The following PPP2R2C variants were observed in gnomAD, a reference collection of about 807,000 sequenced individuals.
PPP2R2C encodes protein phosphatase 2, regulatory subunit B, gamma.
In PPP2R2C, 10 loss-of-function variants were observed where a neutral mutation model predicts 45.3. The ratio of observed to expected loss-of-function variants is 0.22; its 90% CI spans 0.14 to 0.37. PPP2R2C has a LOEUF of 0.37. Ranked by LOEUF, PPP2R2C falls within the 10% of genes least tolerant of loss-of-function variation. The pLI is 1.00. For synonymous variants in PPP2R2C, 257 were observed against 245.4 expected, an observed-to-expected ratio of 1.05 and a Z score of -0.44; for missense variants, 308 against 619.7, an observed-to-expected ratio of 0.50 and a Z score of 5.34.
At chr4:6,394,176 T>C (rs756479700) in intron 1 of PPP2R2C, among the ~76,000 whole-genome samples, 34 of 152,296 alleles carry the variant, frequency 2.2e-4, no homozygotes, top group Middle Eastern at 3.4e-3. Flanking sequence ...TTTCCTGTGG[T>C]GTGCCAAGGT....
chr4:6,558,858 C>G (rs1035575201), intron 1 of PPP2R2C, among the ~76,000 whole-genome samples: 2 of 152,198 alleles, frequency 1.3e-5, no homozygotes, highest in African/African-American at 4.8e-5. Context: ...ATGCCCCACC[C>G]AGTGAGTCTC....
chr4:6,562,962 C>CAAAAAAAAAAAAAAAAAAAAAAAA lies in PPP2R2C; in HGVS notation c.-59+597_-59+598insTTTTTTTTTTTTTTTTTTTTTTTT, dbSNP rs746793663. 2.4e-4 allele frequency among the ~76,000 whole-genome samples: 20 copies of CAAAAAAAAAAAAAAAAAAAAAAAA among 83,240 alleles called. 1 individual carries two copies. The highest frequency in any genetic ancestry group is 9.2e-4 in the African/African-American group (20 of 21,832). The allele number at this position is 83,240 out of a possible 152,430, so 54.6% of individuals were successfully genotyped here. A position where few individuals can be genotyped will look rare whatever the true frequency, so the allele number is the denominator to read the frequency against. On this transcript the variant is annotated intron_variant, in intron 1 of 9. Transcript: ENST00000506140. ...ACTGTCATGGACTGTCCCTGCCAGC[C>CAAAAAAAAAAAAAAAAAAAAAAAA]AAAAAAAAAAAAAAAAGGCTTCTCC... is the stretch of plus-strand genomic sequence containing the variant.
intron 6 of PPP2R2C, among the ~76,000 whole-genome samples, chr4:6,339,207 G>A (rs1405050519): frequency 1.3e-5 from 2 of 152,248 alleles, no homozygotes; most frequent in African/African-American, 2.4e-5. Context: ...ACCTTCTCCT[G>A]TGGCACTGGC....
chr4:6,396,750 T>C (rs1340838097), intron 1 of PPP2R2C, among the ~76,000 whole-genome samples: 1 of 152,226 alleles, frequency 6.6e-6, no homozygotes, highest in Non-Finnish European at 1.5e-5. Context: ...GCCAGTGCAG[T>C]TAACAATCAG....
At chr4:6,358,839 G>T (rs1176358524) in intron 5 of PPP2R2C, among the ~76,000 whole-genome samples, 1 of 152,180 alleles carries the variant, frequency 6.6e-6, no homozygotes, top group African/African-American at 2.4e-5. Context: ...AAAAAGTCAG[G>T]AAACAACAGG....
chr4:6,326,302 C>T (rs1049389347), intron 8 of PPP2R2C, among the ~76,000 whole-genome samples: 2 of 152,068 alleles, frequency 1.3e-5, no homozygotes, highest in African/African-American at 2.4e-5. Flanking sequence ...GAGAAGAAAA[C>T]GGCCGGAGAG....
chr4:6,489,058 G>A (rs904713921), intron 2 of PPP2R2C, among the ~76,000 whole-genome samples: 1 of 152,122 alleles, frequency 6.6e-6, no homozygotes, highest in Admixed American at 6.6e-5. Context: ...GTCTGCCTGT[G>A]AAATCCAGCC....
chr4:6,415,552 G>T (rs1038677812), intron 1 of PPP2R2C, among the ~76,000 whole-genome samples: 1 of 152,150 alleles, frequency 6.6e-6, no homozygotes, highest in Non-Finnish European at 1.5e-5. Context: ...AGGGGGGCAC[G>T]GTCACTCAGA....
intron 1 of PPP2R2C, among the ~76,000 whole-genome samples, chr4:6,393,063 C>T (rs1195441882): frequency 6.6e-6 from 1 of 152,194 alleles, no homozygotes; most frequent in Non-Finnish European, 1.5e-5. Flanking sequence ...GTACAATATA[C>T]ATAACATGAA....
chr4:6,528,890 G>A (rs532820091), intron 2 of PPP2R2C, among the ~76,000 whole-genome samples: 11 of 152,034 alleles, frequency 7.2e-5, no homozygotes, highest in Admixed American at 3.9e-4. Flanking sequence ...CTTATAAAAC[G>A]GCCCCACCCC....
intron 2 of PPP2R2C, among the ~76,000 whole-genome samples, chr4:6,502,003 C>A (rs148091652): frequency 6.6e-6 from 1 of 152,170 alleles, no homozygotes; most frequent in African/African-American, 2.4e-5. Flanking sequence ...AAAAAAGATG[C>A]CCAGGGGCAT....
rs914907999 is a variant in PPP2R2C at position 6,332,473 on chromosome 4, G to A, written c.960+1089C>T. On this transcript the variant is annotated intron_variant, in intron 7 of 8. Transcript: ENST00000382599. The surrounding 1 kb of genome is among the most constrained non-coding windows in gnomAD (Gnocchi z 4.9). ...TTGTGGGTGTGTGGCTTCCAGGAGC[G>A]TGAGCTGTTCCTCTGGGGCCCAGGT... Among the ~76,000 whole-genome samples, 1 of 152,174 alleles carries A rather than the reference G, an allele frequency of 6.6e-6. No individual in the cohort carries two copies. Among genetic ancestry groups the A allele is most frequent in the African/African-American group, 2.4e-5 (1 of 41,424 alleles).
At chr4:6,513,482 G>C (rs1723736050) in intron 2 of PPP2R2C, among the ~76,000 whole-genome samples, 1 of 152,172 alleles carries the variant, frequency 6.6e-6, no homozygotes, top group African/African-American at 2.4e-5. Context: ...CCACAGAAAG[G>C]CTTCCCAGGA....
chr4:6,429,020 C>T (rs556045366), intron 1 of PPP2R2C, among the ~76,000 whole-genome samples: 10 of 152,288 alleles, frequency 6.6e-5, no homozygotes, highest in South Asian at 4.1e-4. Flanking sequence ...CTTCGTGGGA[C>T]ATATGTCCTC....
intron 2 of PPP2R2C, among the ~76,000 whole-genome samples, chr4:6,494,221 T>A (rs1439874725): frequency 6.6e-6 from 1 of 152,152 alleles, no homozygotes; most frequent in Non-Finnish European, 1.5e-5. Context: ...ATACCAGCCC[T>A]GCAGTATCTA....
intron 5 of PPP2R2C, among the ~76,000 whole-genome samples, chr4:6,371,742 T>G (rs1391333795): frequency 6.6e-6 from 1 of 152,198 alleles, no homozygotes; most frequent in Non-Finnish European, 1.5e-5. Context: ...CTCATAGGGT[T>G]GTTGTGAAGG....
At chr4:6,497,598 A>C (rs1365357345) in intron 2 of PPP2R2C, among the ~76,000 whole-genome samples, 1 of 152,264 alleles carries the variant, frequency 6.6e-6, no homozygotes, top group South Asian at 2.1e-4. Flanking sequence ...ACTTGTTATT[A>C]TAACCCTGGG....
At chr4:6,432,758 T>C (rs1284937591) in intron 1 of PPP2R2C, among the ~76,000 whole-genome samples, 4 of 152,152 alleles carry the variant, frequency 2.6e-5, no homozygotes, top group Admixed American at 2.0e-4. Flanking sequence ...GCCAAATAAG[T>C]TAGGAAAAAA....
At chr4:6,439,893 C>T (rs942643226) in intron 1 of PPP2R2C, among the ~76,000 whole-genome samples, 35 of 152,294 alleles carry the variant, frequency 2.3e-4, no homozygotes, top group African/African-American at 6.7e-4. Context: ...CAACACCATT[C>T]CTTTTCAGGA....
Sources: gnomAD v4.1 joint callset for allele counts (sites outside exome capture counted in the v4.1 genomes callset) on GRCh38, gnomAD v4.1.1 for gene constraint, Gnocchi (gnomAD v3.1) non-coding constraint, MANE v1.5 for transcripts, NCBI Gene and HGNC (gene_info 2026-07-23, HGNC 2026-07-21) for gene names.